The following MARCHF11 variants were observed in gnomAD, a reference collection of about 807,000 sequenced individuals.
MARCHF11 encodes membrane associated ring-CH-type finger 11.
A neutral mutation model predicts 37.3 loss-of-function variants in MARCHF11; 29 were observed. The observed-to-expected ratio is 0.78, with a 90% confidence interval of 0.58 to 1.06. MARCHF11 has a LOEUF of 1.06. MARCHF11 is among the 50% of genes least tolerant of loss of function. MARCHF11 has a pLI of 0.00. For synonymous variants in MARCHF11, 233 were observed against 228.0 expected (o/e 1.02, Z -0.20); for missense variants, 482 against 533.4 (o/e 0.90, Z 0.95).
At chr5:16,163,265 G>A (rs950788835) in intron 2 of MARCHF11, among the ~76,000 whole-genome samples, 8 of 151,814 alleles carry the variant, frequency 5.3e-5, no homozygotes, top group Non-Finnish European at 1.2e-4. Context: ...AGGTGGTGGC[G>A]GAAGGAGAAA....
intron 2 of MARCHF11, among the ~76,000 whole-genome samples, chr5:16,168,289 G>A (rs1372295065): frequency 6.6e-6 from 1 of 152,036 alleles, no homozygotes; most frequent in African/African-American, 2.4e-5. Context: ...ATCCTTATAT[G>A]TTTCACCAAA....
intron 2 of MARCHF11, among the ~76,000 whole-genome samples, chr5:16,159,081 T>C (rs983037280): frequency 1.3e-5 from 2 of 151,920 alleles, no homozygotes; most frequent in Non-Finnish European, 2.9e-5. Context: ...ACATAGCAAA[T>C]AAATACAACT....
chr5:16,143,495 C>G (rs1222402095), intron 2 of MARCHF11, among the ~76,000 whole-genome samples: 1 of 152,214 alleles, frequency 6.6e-6, no homozygotes, highest in Non-Finnish European at 1.5e-5. Flanking sequence ...TTTTCCCCAT[C>G]CAACAGGAAC....
chr5:16,097,670 T>C (rs1179800664), intron 2 of MARCHF11, among the ~76,000 whole-genome samples: 1 of 152,116 alleles, frequency 6.6e-6, no homozygotes, highest in Non-Finnish European at 1.5e-5. Flanking sequence ...TGAATAATTC[T>C]ACATAGAAAC....
intron 2 of MARCHF11, among the ~76,000 whole-genome samples, chr5:16,098,726 C>T (rs536747727): frequency 2.3e-4 from 35 of 151,348 alleles, no homozygotes; most frequent in African/African-American, 8.3e-4. Flanking sequence ...TGAGATCATG[C>T]CACAACACTC....
intron 2 of MARCHF11, among the ~76,000 whole-genome samples, chr5:16,097,271 G>C (rs373249876): frequency 6.6e-6 from 1 of 152,062 alleles, no homozygotes; most frequent in Non-Finnish European, 1.5e-5. Context: ...TTAATTATAC[G>C]CCCTTTCTTT....
intron 3 of MARCHF11, among the ~76,000 whole-genome samples, chr5:16,083,942 C>T (rs974573819): frequency 6.6e-6 from 1 of 152,170 alleles, no homozygotes; most frequent in African/African-American, 2.4e-5. Flanking sequence ...ATGTGGGAAA[C>T]TTATTTGTGA....
chr5:16,122,199 C>T (rs1042419386), intron 2 of MARCHF11, among the ~76,000 whole-genome samples: 1 of 152,180 alleles, frequency 6.6e-6, no homozygotes, highest in Non-Finnish European at 1.5e-5. Context: ...CAGAAGGAAA[C>T]TTCTGGGCCT....
At chr5:16,136,832 G>A (rs934914895) in intron 2 of MARCHF11, among the ~76,000 whole-genome samples, 1 of 152,040 alleles carries the variant, frequency 6.6e-6, no homozygotes, top group Non-Finnish European at 1.5e-5. Context: ...AAGGATGGAA[G>A]GTGGAAATAT....
intron 2 of MARCHF11, among the ~76,000 whole-genome samples, chr5:16,160,773 A>T (rs985159704): frequency 2.0e-5 from 3 of 151,988 alleles, no homozygotes; most frequent in African/African-American, 4.8e-5. Context: ...CAAATGGCAA[A>T]GCTTTTTAAG....
chr5:16,103,836 G>A (rs775163288), intron 2 of MARCHF11, among the ~76,000 whole-genome samples: 3 of 152,082 alleles, frequency 2.0e-5, no homozygotes, highest in Non-Finnish European at 4.4e-5. Flanking sequence ...CATGAGAGAG[G>A]CCCTGGCAGA....
chr5:16,135,878 T>A (rs1327536320), intron 2 of MARCHF11, among the ~76,000 whole-genome samples: 7 of 67,240 alleles, frequency 1.0e-4, no homozygotes, highest in East Asian at 5.9e-4. Flanking sequence ...GTGAAAGAGA[T>A]TTAAAAAAAA....
At chr5:16,153,420 C>T (rs1737920044) in intron 2 of MARCHF11, among the ~76,000 whole-genome samples, 1 of 151,846 alleles carries the variant, frequency 6.6e-6, no homozygotes, top group Non-Finnish European at 1.5e-5. Flanking sequence ...CTCAATGAAG[C>T]CTCTGACTAC....
At chr5:16,089,184 T>C (rs980498582) in intron 3 of MARCHF11, among the ~76,000 whole-genome samples, 1 of 152,154 alleles carries the variant, frequency 6.6e-6, no homozygotes. Flanking sequence ...CTGGACTTTT[T>C]TTCCTTTCCA....
chr5:16,071,176 T>C (rs955474729), intron 3 of MARCHF11, among the ~76,000 whole-genome samples: 4 of 152,226 alleles, frequency 2.6e-5, no homozygotes, highest in Non-Finnish European at 4.4e-5. Context: ...GCTGACGTAC[T>C]TTTTCATCTG....
chr5:16,067,400 G>GT lies in MARCHF11; in HGVS notation c.*70dup. 1 of 1,392,370 alleles carries GT rather than the reference G, an allele frequency of 7.2e-7. No individual in the cohort carries two copies. Among genetic ancestry groups the GT allele is most frequent in the Non-Finnish European group, 9.9e-7 (1 of 1,006,154 alleles). The allele number at this position is 1,392,370 out of a possible 1,614,324, so 86.3% of individuals were successfully genotyped here. A position where few individuals can be genotyped will look rare whatever the true frequency, so the allele number is the denominator to read the frequency against. On this transcript the variant is annotated 3_prime_UTR_variant, in exon 4 of 4. Transcript: ENST00000332432. ...TAGATGTGTTTTTAGAAGTGCTATG[G>GT]TTTTGCCATTCACTGCAATTACATT...
At chr5:16,147,919 C>T (rs961064522) in intron 2 of MARCHF11, among the ~76,000 whole-genome samples, 1 of 152,118 alleles carries the variant, frequency 6.6e-6, no homozygotes, top group Non-Finnish European at 1.5e-5. Context: ...TCAATGAGTA[C>T]ACTTCCAATG....
intron 2 of MARCHF11, among the ~76,000 whole-genome samples, chr5:16,139,991 T>C (rs4323233): frequency 1 from 152,277 of 152,278 alleles, 76,138 homozygotes; most frequent in Non-Finnish European, 1. Context: ...GACAATGTAA[T>C]AAAAATCTAT....
chr5:16,156,370 G>A (rs112934428), intron 2 of MARCHF11, among the ~76,000 whole-genome samples: 39 of 151,978 alleles, frequency 2.6e-4, no homozygotes, highest in African/African-American at 8.7e-4. Flanking sequence ...TCCATACATA[G>A]TTAGCACCTT....
Sources: allele counts gnomAD v4.1 joint callset (sites outside exome capture counted in the v4.1 genomes callset), GRCh38; gene constraint gnomAD v4.1.1; transcripts MANE v1.5; gene names NCBI Gene and HGNC (gene_info 2026-07-23, HGNC 2026-07-21).